Variants in NOL4L observed in about 807,000 individuals in gnomAD.
NOL4L encodes nucleolar protein 4 like, also known as nucleolar protein 4-like.
A neutral mutation model predicts 64.5 loss-of-function variants in NOL4L; 7 were observed. The observed-to-expected ratio is 0.11, with a 90% CI of 0.06 to 0.20. NOL4L has a LOEUF of 0.20. Ranked by LOEUF, NOL4L falls within the 10% of genes least tolerant of loss-of-function variation. The probability of loss-of-function intolerance (pLI) is 1.00; values close to 1 mark genes in which losing one functional copy is unlikely to be tolerated. For missense variants in NOL4L, 680 were observed against 967.1 expected (o/e 0.70, Z 3.94); for synonymous variants, 413 against 401.0 (o/e 1.03, Z -0.36).
intron 4 of NOL4L, among the ~76,000 whole-genome samples, chr20:32,485,054 T>C (rs1329572477): frequency 1.2e-4 from 4 of 33,016 alleles, no homozygotes; most frequent in East Asian, 7.5e-3. Context: ...TGTGGGGAAA[T>C]TGCCAAAAAA....
chr20:32,584,133 G>GCACACA (rs745461984), intron 1 of NOL4L, among the ~76,000 whole-genome samples: 1,611 of 88,732 alleles, frequency 0.018, 65 homozygotes, highest in African/African-American at 0.067. Context: ...CTCCGCGCGC[G>GCACACA]CACACACACA....
At chr20:32,550,717 T>C (rs899896787) in intron 1 of NOL4L, among the ~76,000 whole-genome samples, 8 of 152,168 alleles carry the variant, frequency 5.3e-5, no homozygotes, top group Middle Eastern at 3.4e-3. Context: ...CCGTCTCTAC[T>C]AAAAATACAA....
intron 5 of NOL4L, among the ~76,000 whole-genome samples, chr20:32,472,466 C>T (rs1306706449): frequency 6.6e-6 from 1 of 152,206 alleles, no homozygotes; most frequent in Non-Finnish European, 1.5e-5. Context: ...TGGGCTGTCC[C>T]TGCCTAGTCC....
At chr20:32,518,426 C>T (rs2017772011) in intron 3 of NOL4L, among the ~76,000 whole-genome samples, 1 of 152,228 alleles carries the variant, frequency 6.6e-6, no homozygotes, top group South Asian at 2.1e-4. Context: ...TCCGCGTTGC[C>T]CTCCTGGCCA....
At position 32,453,215 on chromosome 20, in the gene NOL4L, T is replaced by C; in HGVS notation, c.1497+89A>G. 6.6e-7 allele frequency: 1 copy of C among 1,512,722 alleles called. No homozygotes were observed. Among genetic ancestry groups the C allele is most frequent in the Non-Finnish European group, 9.0e-7 (1 of 1,116,022 alleles). The allele number at this position is 1,512,722 out of a possible 1,614,324, so 93.7% of individuals were successfully genotyped here. On this transcript the variant is annotated intron_variant, in intron 8 of 10. Coordinates refer to ENST00000621426, the MANE Select transcript of NOL4L (RefSeq NM_001256798.2). This position sits in a 1 kb window ranked among gnomAD's most constrained non-coding sequence, Gnocchi z 5.6. ...GCTTCCAGGGCTCCTGGGAAGACCC[T>C]GGGTGAAGGGGCCCGGGCATCCTGG...
At chr20:32,481,138 CAT>C (rs2015690229) in intron 4 of NOL4L, among the ~76,000 whole-genome samples, 1 of 152,238 alleles carries the variant, frequency 6.6e-6, no homozygotes, top group Non-Finnish European at 1.5e-5. Context: ...TCCCTGCTGT[CAT>C]AGACACCTGG....
chr20:32,583,109 G>T (rs1437602558), intron 1 of NOL4L, among the ~76,000 whole-genome samples: 1 of 152,062 alleles, frequency 6.6e-6, no homozygotes, highest in South Asian at 2.1e-4. Context: ...GGTCCGGCCG[G>T]AGGCGGCAGC....
chr20:32,509,780 T>C lies in NOL4L; in HGVS notation c.699+1567A>G, dbSNP rs562826135. On this transcript the variant is annotated intron_variant, in intron 4 of 10. Coordinates refer to ENST00000621426, the MANE Select transcript of NOL4L (RefSeq NM_001256798.2). ...CTTGCACGACACTGACCACTACTGG[T>C]TCTAGTGGTGACCTGGATTTAGTGC... is the stretch of plus-strand genomic sequence containing the variant. The C allele has an allele frequency of 7.8e-4, 1,014 of 1,301,506 alleles. 6 individuals are homozygous for C. Among genetic ancestry groups the C allele is most frequent in the South Asian group, 5.7e-3 (464 of 80,934 alleles). The allele number at this position is 1,301,506 out of a possible 1,614,324, so 80.6% of individuals were successfully genotyped here. A position where few individuals can be genotyped will look rare whatever the true frequency, so the allele number is the denominator to read the frequency against.
chr20:32,525,104 G>C (rs1439298494), intron 2 of NOL4L, among the ~76,000 whole-genome samples: 1 of 152,234 alleles, frequency 6.6e-6, no homozygotes, highest in Non-Finnish European at 1.5e-5. Flanking sequence ...GCATATGGAC[G>C]AGAAGCCAGG....
At chr20:32,480,909 C>T (rs2015674382) in intron 4 of NOL4L, among the ~76,000 whole-genome samples, 2 of 152,196 alleles carry the variant, frequency 1.3e-5, no homozygotes, top group Non-Finnish European at 2.9e-5. Context: ...AGCCTTCCAG[C>T]ACTCCCTGCA....
At chr20:32,512,350 C>T (rs991070674) in intron 3 of NOL4L, among the ~76,000 whole-genome samples, 11 of 152,198 alleles carry the variant, frequency 7.2e-5, no homozygotes, top group Non-Finnish European at 1.5e-4. Context: ...TCACCTCACC[C>T]AATCCCGCCA....
At chr20:32,468,876 G>A (rs1190386138) in intron 5 of NOL4L, among the ~76,000 whole-genome samples, 1 of 142,172 alleles carries the variant, frequency 7.0e-6, no homozygotes, top group Admixed American at 7.3e-5. Flanking sequence ...ACTCCAGCCT[G>A]GGCAACAGAG....
At chr20:32,457,092 T>C (rs570755331) in intron 5 of NOL4L, among the ~76,000 whole-genome samples, 5 of 152,284 alleles carry the variant, frequency 3.3e-5, no homozygotes, top group Non-Finnish European at 5.9e-5. Flanking sequence ...CTGCCCGGCG[T>C]CTCAGGGTGG....
At chr20:32,583,527 G>C (rs993915707) in intron 1 of NOL4L, among the ~76,000 whole-genome samples, 1 of 148,570 alleles carries the variant, frequency 6.7e-6, no homozygotes, top group Non-Finnish European at 1.5e-5. Flanking sequence ...TCCGGCCGGG[G>C]AGGGAGCAAG....
Position 32,456,249 on chromosome 20 carries a change from C to T in NOL4L, c.988G>A (p.Asp330Asn), listed in dbSNP as rs2013502755. ...TTGTCACACAGGTTGATGGGCTGATCCTCGGCGGCCGTGGTGAAGTCCATG... is the reference window on the plus strand; with the variant it reads ...TTGTCACACAGGTTGATGGGCTGATTCTCGGCGGCCGTGGTGAAGTCCATG... ...APMDFTTAAE[D>N]QPINLCDKLP... is the part of the protein sequence containing the mutation. Residue 330 changes from aspartate to asparagine, a missense_variant, in exon 6 of 11, where the codon GAT becomes AAT. Around this residue, in one of 4 missense-constraint regions of NOL4L, gnomAD observed 254 missense variants for 238.7 expected, o/e 1.06. Transcript: ENST00000621426. 3.1e-6 allele frequency: 5 copies of T among 1,606,212 alleles called. No individual in the cohort carries two copies. The Admixed American group carries it at 5.1e-5, about 16-fold the overall frequency.
intron 4 of NOL4L, among the ~76,000 whole-genome samples, chr20:32,489,517 G>T (rs2145515693): frequency 6.6e-6 from 1 of 152,066 alleles, no homozygotes; most frequent in South Asian, 2.1e-4. Flanking sequence ...ACTGCACCTG[G>T]CCTAAATATC....
intron 1 of NOL4L, among the ~76,000 whole-genome samples, chr20:32,574,913 A>G (rs1979996930): frequency 6.6e-6 from 1 of 151,338 alleles, no homozygotes; most frequent in Admixed American, 6.6e-5. Context: ...TTCCTAAACC[A>G]CTCTTCCCAC....
intron 3 of NOL4L, among the ~76,000 whole-genome samples, chr20:32,516,229 G>T (rs867880795): frequency 6.6e-6 from 1 of 152,074 alleles, no homozygotes; most frequent in Non-Finnish European, 1.5e-5. Flanking sequence ...GCCAGCCTCA[G>T]GGGGTTCAAA....
chr20:32,584,362 G>C (rs1473513929), intron 1 of NOL4L, among the ~76,000 whole-genome samples: 15 of 151,498 alleles, frequency 9.9e-5, no homozygotes, highest in Non-Finnish European at 1.8e-4. Flanking sequence ...GGCGCGGAGG[G>C]GGGCAGGGAC....
Sources: allele counts gnomAD v4.1 joint callset (sites outside exome capture counted in the v4.1 genomes callset), GRCh38; gene constraint gnomAD v4.1.1; regional missense constraint gnomAD v4.1.1; non-coding constraint Gnocchi (gnomAD v3.1); transcripts MANE v1.5; gene names NCBI Gene and HGNC (gene_info 2026-07-23, HGNC 2026-07-21).